SPATA17: variants seen among roughly 807,000 people sequenced by gnomAD.
SPATA17 encodes spermatogenesis-associated protein 17.
A neutral mutation model predicts 62.2 loss-of-function variants in SPATA17; 53 were observed. That is an observed-to-expected ratio of 0.85 (90% CI 0.68 to 1.07). SPATA17 has a LOEUF of 1.07. SPATA17 is among the 50% of genes least tolerant of loss of function. The pLI is 0.00. For synonymous variants in SPATA17, 146 were observed against 146.8 expected, an observed-to-expected ratio of 0.99 and a Z score of 0.04; for missense variants, 466 against 425.5, an observed-to-expected ratio of 1.10 and a Z score of -0.84.
chr1:217,844,479 A>C (rs1024760310), intron 9 of SPATA17, among the ~76,000 whole-genome samples: 3 of 152,102 alleles, frequency 2.0e-5, no homozygotes, highest in Non-Finnish European at 4.4e-5. Context: ...TTTTAAAAAA[A>C]TGAGTGTCCT....
chr1:217,854,607 TCTCTC>T (rs146824562), intron 9 of SPATA17, among the ~76,000 whole-genome samples: 4,684 of 152,288 alleles, frequency 0.031, 107 homozygotes, highest in Non-Finnish European at 0.046. Context: ...CTCTATTCTT[TCTCTC>T]TTCCCTGATT....
At chr1:217,707,584 T>A (rs527617056) in intron 5 of SPATA17, among the ~76,000 whole-genome samples, 11 of 152,142 alleles carry the variant, frequency 7.2e-5, no homozygotes, top group Non-Finnish European at 1.5e-4. Context: ...GAGACTTAGA[T>A]TTCCACACAA....
chr1:217,867,315 ACCC>A lies in SPATA17; in HGVS notation c.*298_*300del, dbSNP rs1445572694. ...GTTCCCCTGAAATACCCATATTCTG[ACCC>A]CATCACCCGGGTCACAAATGATGAC... is the stretch of plus-strand genomic sequence containing the variant. On this transcript the variant is annotated 3_prime_UTR_variant, in exon 11 of 11. Transcript: ENST00000366933. The A allele has an allele frequency of 6.6e-6, 1 of 152,144 alleles. No homozygotes were observed. The highest frequency in any genetic ancestry group is 1.5e-5 in the Non-Finnish European group (1 of 68,034). The allele number at this position is 152,144 out of a possible 1,614,324, so 9.4% of individuals were successfully genotyped here.
intron 1 of SPATA17, among the ~76,000 whole-genome samples, chr1:217,645,225 CATA>C (rs1386661044): frequency 6.6e-6 from 1 of 152,008 alleles, no homozygotes; most frequent in Non-Finnish European, 1.5e-5. Context: ...TATATATACA[CATA>C]ATAATATCCC....
At chr1:217,730,791 T>TA (rs895535733) in intron 5 of SPATA17, among the ~76,000 whole-genome samples, 9 of 152,234 alleles carry the variant, frequency 5.9e-5, no homozygotes, top group African/African-American at 1.9e-4. Context: ...TTTCTTTTTT[T>TA]AAAAAAACTC....
chr1:217,659,773 G>C (rs1670527395), intron 3 of SPATA17, among the ~76,000 whole-genome samples: 1 of 152,060 alleles, frequency 6.6e-6, no homozygotes. Context: ...CTGAGAAACA[G>C]TCATCCTAGA....
At chr1:217,769,230 T>A (rs1385817779) in intron 6 of SPATA17, among the ~76,000 whole-genome samples, 2 of 152,222 alleles carry the variant, frequency 1.3e-5, no homozygotes, top group Admixed American at 1.3e-4. Context: ...AAGTGTACCT[T>A]TCGTATATGA....
intron 9 of SPATA17, among the ~76,000 whole-genome samples, chr1:217,810,418 T>C (rs1029718553): frequency 3.3e-5 from 5 of 152,040 alleles, no homozygotes; most frequent in African/African-American, 9.7e-5. Flanking sequence ...AGTCAGGAGT[T>C]CGAGACCAGC....
intron 9 of SPATA17, among the ~76,000 whole-genome samples, chr1:217,833,185 A>G (rs17046902): frequency 0.038 from 5,837 of 152,204 alleles, 325 homozygotes; most frequent in African/African-American, 0.13. Context: ...AAAGCTGCTT[A>G]CCTTCAGAAC....
intron 5 of SPATA17, among the ~76,000 whole-genome samples, chr1:217,690,438 CTTTTTA>C (rs913661634): frequency 8.9e-5 from 13 of 146,056 alleles, no homozygotes; most frequent in African/African-American, 2.2e-4. Flanking sequence ...CTATTTGGTC[CTTTTTA>C]TTTTTATTTT....
At chr1:217,745,395 A>G (rs1468559113) in intron 6 of SPATA17, among the ~76,000 whole-genome samples, 2 of 152,100 alleles carry the variant, frequency 1.3e-5, no homozygotes, top group Non-Finnish European at 2.9e-5. Flanking sequence ...TCATCTGTTC[A>G]TTTTGTTCAA....
chr1:217,790,175 T>A (rs1044624721), intron 8 of SPATA17, among the ~76,000 whole-genome samples: 4 of 152,174 alleles, frequency 2.6e-5, no homozygotes, highest in African/African-American at 9.7e-5. Context: ...CCCCCTTATC[T>A]GGGGTCTAAG....
chr1:217,859,727 C>T (rs558518448), intron 9 of SPATA17, among the ~76,000 whole-genome samples: 168 of 152,200 alleles, frequency 1.1e-3, no homozygotes, highest in South Asian at 4.6e-3. Flanking sequence ...CTTTTTAACA[C>T]TCATAGGATT....
chr1:217,713,699 C>T (rs1421847096), intron 5 of SPATA17, among the ~76,000 whole-genome samples: 1 of 152,126 alleles, frequency 6.6e-6, no homozygotes, highest in Non-Finnish European at 1.5e-5. Context: ...TGCTGGCATT[C>T]TCTGTGTGTA....
At position 217,811,329 on chromosome 1, in the gene SPATA17, T is replaced by C. The variant is rs559394113; in HGVS notation, c.1005+9479T>C. ...AGGCGTGAGCCACCACACCCAGAGATTGTAGGTATTCTTTAAATCATAATA... is the reference window on the plus strand; with the variant it reads ...AGGCGTGAGCCACCACACCCAGAGACTGTAGGTATTCTTTAAATCATAATA... On this transcript the variant is annotated intron_variant, in intron 9 of 10. Transcript: ENST00000366933. Among the ~76,000 whole-genome samples, 32 of 152,222 alleles carry C rather than the reference T, an allele frequency of 2.1e-4. 1 individual carries two copies. The highest frequency in any genetic ancestry group is 1.7e-3 in the Admixed American group (26 of 15,286).
intron 4 of SPATA17, among the ~76,000 whole-genome samples, chr1:217,680,160 C>T (rs1457857878): frequency 6.6e-6 from 1 of 152,068 alleles, no homozygotes; most frequent in Non-Finnish European, 1.5e-5. Flanking sequence ...CAAGTGTTCC[C>T]TTCATTAATA....
intron 9 of SPATA17, among the ~76,000 whole-genome samples, chr1:217,832,810 G>C (rs1381764025): frequency 1.3e-5 from 2 of 151,968 alleles, no homozygotes; most frequent in Non-Finnish European, 2.9e-5. Flanking sequence ...GGCTGTGGCA[G>C]TGCGCATCTG....
intron 9 of SPATA17, among the ~76,000 whole-genome samples, chr1:217,860,476 G>A (rs1675876356): frequency 6.6e-6 from 1 of 152,052 alleles, no homozygotes; most frequent in South Asian, 2.1e-4. Flanking sequence ...TATGGATAAA[G>A]GGGTGTTGAA....
intron 3 of SPATA17, among the ~76,000 whole-genome samples, chr1:217,654,331 G>A (rs115809528): frequency 1.3e-5 from 2 of 151,604 alleles, no homozygotes. Context: ...GTATAGACAG[G>A]GTTTCTCCCT....
Sources: gnomAD v4.1 joint callset for allele counts (sites outside exome capture counted in the v4.1 genomes callset) on GRCh38, gnomAD v4.1.1 for gene constraint, MANE v1.5 for transcripts, NCBI Gene and HGNC (gene_info 2026-07-23, HGNC 2026-07-21) for gene names.